The following TENM1 variants were observed in gnomAD, a reference collection of about 807,000 sequenced individuals.
TENM1 encodes the protein teneurin transmembrane protein 1.
Under a neutral mutation model 174.8 loss-of-function variants are expected in TENM1, and 35 were observed. That is an observed-to-expected ratio of 0.20 (90% CI 0.15 to 0.27). The LOEUF is 0.27. Ranked by LOEUF, TENM1 falls within the 10% of genes least tolerant of loss-of-function variation. TENM1 has a pLI of 1.00. For synonymous variants in TENM1, 781 were observed against 798.7 expected, an observed-to-expected ratio of 0.98 and a Z score of 0.37; for missense variants, 1,633 against 2,130.1, an observed-to-expected ratio of 0.77 and a Z score of 4.59.
the TENM1 span, among the ~76,000 whole-genome samples, chrX:125,073,375 A>G: frequency 9.0e-6 from 1 of 111,456 alleles, no homozygotes; most frequent in Non-Finnish European, 1.9e-5. Flanking sequence ...GTTATGACCA[A>G]TCATAAAATG....
chrX:124,951,956 T>C (rs2058495702), intron 1 of TENM1, among the ~76,000 whole-genome samples: 1 of 110,030 alleles, frequency 9.1e-6, no homozygotes, highest in Non-Finnish European at 1.9e-5. Context: ...CTGCCAATCA[T>C]ATTGCAGATT....
chrX:124,378,259 C>T (rs2060122842), exon 32 of TENM1: 1 of 112,207 alleles, frequency 8.9e-6, no homozygotes, highest in African/African-American at 3.2e-5. Flanking sequence ...GATACATCAT[C>T]AATGAATTGC....
At chrX:124,778,510 G>A (rs1046695162) in intron 3 of TENM1, among the ~76,000 whole-genome samples, 6 of 112,331 alleles carry the variant, frequency 5.3e-5, no homozygotes, top group Admixed American at 2.8e-4. Context: ...TGGAATTTTA[G>A]TGCAAAAATT....
chrX:125,185,698 C>T, the TENM1 span, among the ~76,000 whole-genome samples: 1 of 111,993 alleles, frequency 8.9e-6, no homozygotes, highest in Non-Finnish European at 1.9e-5. Flanking sequence ...ATAAAGGTCA[C>T]CCTTGTAATT....
chrX:124,868,745 A>G (rs1376803077), intron 3 of TENM1, among the ~76,000 whole-genome samples: 3 of 111,478 alleles, frequency 2.7e-5, no homozygotes, highest in Non-Finnish European at 1.9e-5. Context: ...CCACAGGATT[A>G]ATAACCAGAA....
chrX:124,768,985 T>C (rs753097026), intron 3 of TENM1, among the ~76,000 whole-genome samples: 1 of 112,364 alleles, frequency 8.9e-6, no homozygotes, highest in East Asian at 2.8e-4. Context: ...TATTAGCAGG[T>C]CATATTGTAC....
intron 3 of TENM1, among the ~76,000 whole-genome samples, chrX:124,844,632 A>C (rs2056571650): frequency 1.8e-5 from 2 of 111,685 alleles, no homozygotes; most frequent in Non-Finnish European, 3.8e-5. Flanking sequence ...GCCCTTCCAC[A>C]GAACTAATAT....
intron 14 of TENM1, among the ~76,000 whole-genome samples, chrX:124,555,572 T>C (rs1031215420): frequency 4.5e-5 from 5 of 111,634 alleles, no homozygotes; most frequent in African/African-American, 1.6e-4. Flanking sequence ...AGGCATCATT[T>C]TGAAAAGAGT....
At chrX:124,594,063 G>GCAGCAGATTTCCTGCAGCT (rs1367246956) in intron 11 of TENM1, among the ~76,000 whole-genome samples, 1 of 112,165 alleles carries the variant, frequency 8.9e-6, no homozygotes, top group South Asian at 3.7e-4. Flanking sequence ...AGCTTTTCCT[G>GCAGCAGATTTCCTGCAGCT]GTATCTTTCT....
chrX:124,781,936 C>A, intron 3 of TENM1, among the ~76,000 whole-genome samples: 1 of 111,724 alleles, frequency 9.0e-6, no homozygotes. Context: ...AGTTAGACCT[C>A]ATTTCCCAGG....
Position 124,788,658 on chromosome X carries a change from T to C in TENM1, c.536-51461A>G, listed in dbSNP as rs145817919. On this transcript the variant is annotated intron_variant, in intron 3 of 31. Coordinates refer to ENST00000422452, the Ensembl canonical transcript of TENM1. Reference sequence around the variant, plus strand: ...ATCCAGCAAAGCAGTCAAATCTTAATGCTCCAAAATGATCTCCTTTGACTC... The same window carrying C: ...ATCCAGCAAAGCAGTCAAATCTTAACGCTCCAAAATGATCTCCTTTGACTC... Among the ~76,000 whole-genome samples, 63 of 112,885 alleles carry C rather than the reference T, an allele frequency of 5.6e-4. No individual in the cohort carries two copies. The East Asian group carries it at 0.016, about 29-fold the overall frequency.
chrX:124,702,660 C>A, intron 5 of TENM1, among the ~76,000 whole-genome samples: 1 of 111,966 alleles, frequency 8.9e-6, no homozygotes, highest in Non-Finnish European at 1.9e-5. Flanking sequence ...AGAAGAGCAG[C>A]AAGGCCTAGC....
the TENM1 span, among the ~76,000 whole-genome samples, chrX:125,081,328 C>T: frequency 9.0e-6 from 1 of 110,976 alleles, no homozygotes; most frequent in Non-Finnish European, 1.9e-5. Flanking sequence ...CAATCCTGAC[C>T]ATAGCCTAAA....
chrX:124,664,676 TGG>T lies in TENM1; in HGVS notation c.1168+7005_1168+7006del, dbSNP rs1246310868. On this transcript the variant is annotated intron_variant, in intron 6 of 31. Transcript: ENST00000422452. ...AGTTTTCAATTCCCAAGAGTACTTG[TGG>T]GGTGTGTGTGTGTGTGTGTGTGTGT... 5.9e-5 allele frequency among the ~76,000 whole-genome samples: 5 copies of T among 85,398 alleles called. No homozygotes were observed. In the East Asian group the frequency reaches 1.2e-3, roughly 21 times the overall value. 74.2% of individuals were successfully genotyped at this position (85,398 alleles called of 115,157 possible). A position where few individuals can be genotyped will look rare whatever the true frequency, so the allele number is the denominator to read the frequency against.
At chrX:125,159,013 A>C in the TENM1 span, among the ~76,000 whole-genome samples, 1 of 111,162 alleles carries the variant, frequency 9.0e-6, no homozygotes, top group Non-Finnish European at 1.9e-5. Flanking sequence ...TAGCAGAGTA[A>C]AGGCAGAAAC....
chrX:125,074,141 T>C, the TENM1 span, among the ~76,000 whole-genome samples: 1 of 111,822 alleles, frequency 8.9e-6, no homozygotes, highest in East Asian at 2.8e-4. Context: ...GGGCATAATC[T>C]TGACAGAGCT....
chrX:125,135,237 C>A, the TENM1 span, among the ~76,000 whole-genome samples: 1 of 111,695 alleles, frequency 9.0e-6, no homozygotes, highest in Non-Finnish European at 1.9e-5. Flanking sequence ...TTATCTAATG[C>A]CCACAATAAA....
At chrX:124,383,542 A>G (rs1298996989) in intron 30 of TENM1, 92 bp downstream of exon 33, 4 of 827,958 alleles carry the variant, frequency 4.8e-6, no homozygotes, top group Non-Finnish European at 6.8e-6. Flanking sequence ...CAGGAAGAGG[A>G]AGCATATTTA....
intron 15 of TENM1, among the ~76,000 whole-genome samples, chrX:124,542,421 AT>A (rs58957662): frequency 0.32 from 30,839 of 95,543 alleles, 4,170 homozygotes; most frequent in African/African-American, 0.45. Flanking sequence ...ATCTTGTTTC[AT>A]TTTTTTTTTT....
Sources: allele counts gnomAD v4.1 joint callset (sites outside exome capture counted in the v4.1 genomes callset), GRCh38; gene constraint gnomAD v4.1.1; transcripts MANE v1.5; gene names NCBI Gene and HGNC (gene_info 2026-07-23, HGNC 2026-07-21).